The following SND1 variants were observed in gnomAD, a reference collection of about 807,000 sequenced individuals.
SND1 encodes staphylococcal nuclease domain-containing protein 1.
SND1 carries 38 observed loss-of-function variants against 121.7 expected under a neutral mutation model. That is an observed-to-expected ratio of 0.31 (90% CI 0.24 to 0.41). The LOEUF (loss-of-function observed/expected upper bound fraction) is 0.41. SND1 is among the 10% of genes least tolerant of loss of function. The pLI, the probability that SND1 is intolerant of heterozygous loss-of-function variation, is 1.00. For synonymous variants in SND1, 401 were observed against 447.4 expected (o/e 0.90, Z 1.31); for missense variants, 868 against 1,184.6 (o/e 0.73, Z 3.92).
At chr7:127,915,799 T>C (rs151308969) in intron 14 of SND1, among the ~76,000 whole-genome samples, 1 of 152,344 alleles carries the variant, frequency 6.6e-6, no homozygotes, top group African/African-American at 2.4e-5. Flanking sequence ...TAAAATGTTG[T>C]ATACAAAGGT....
intron 10 of SND1, among the ~76,000 whole-genome samples, chr7:127,771,641 T>C (rs781707809): frequency 1.3e-5 from 2 of 152,156 alleles, no homozygotes; most frequent in Non-Finnish European, 2.9e-5. Flanking sequence ...AGCACCCCCC[T>C]ATACACATAC....
At chr7:127,746,847 T>C (rs1257628271) in intron 10 of SND1, among the ~76,000 whole-genome samples, 1 of 152,172 alleles carries the variant, frequency 6.6e-6, no homozygotes, top group Non-Finnish European at 1.5e-5. Context: ...TTTGAGCATA[T>C]GGTAGTGAGC....
chr7:128,029,682 G>A lies in SND1; in HGVS notation c.1779+38626G>A. 1 of 1,613,878 alleles carries A rather than the reference G, an allele frequency of 6.2e-7. No individual in the cohort carries two copies. The highest frequency in any genetic ancestry group is 1.3e-5 in the African/African-American group (1 of 75,008). ...GCGGCCACAGCAGGTGGAATTGGTGGGTATATACTCTCGAAGCCACCAGGC... is the reference window on the plus strand; with the variant it reads ...GCGGCCACAGCAGGTGGAATTGGTGAGTATATACTCTCGAAGCCACCAGGC... On this transcript the variant is annotated intron_variant, in intron 16 of 23. Coordinates refer to ENST00000354725, the MANE Select transcript of SND1 (RefSeq NM_014390.4). This position sits in a 1 kb window ranked among gnomAD's most constrained non-coding sequence, Gnocchi z 4.2.
chr7:127,796,500 C>G (rs1038147809), intron 10 of SND1, among the ~76,000 whole-genome samples: 1 of 152,008 alleles, frequency 6.6e-6, no homozygotes, highest in African/African-American at 2.4e-5. Flanking sequence ...CTTTTTTTCT[C>G]GTTCATAGAT....
chr7:127,721,145 G>A (rs956029384), intron 9 of SND1, 142 bp from the exon 10 acceptor site: 2 of 515,328 alleles, frequency 3.9e-6, no homozygotes, highest in Non-Finnish European at 7.0e-6. Context: ...CTCTGACATT[G>A]TTGCACCATG....
Position 127,701,152 on chromosome 7 carries a change from T to G in SND1, c.429-11T>G. On this transcript the variant is annotated splice_polypyrimidine_tract_variant and intron_variant, in intron 4 of 23. Transcript: ENST00000354725. ...CTCACTAACCACTCTTGTTTATTTT[T>G]TATGTCCCAGTCCTGAGCAGAACCG... 1 of 1,612,766 alleles carries G rather than the reference T, an allele frequency of 6.2e-7. No homozygotes were observed. Among genetic ancestry groups the G allele is most frequent in the Non-Finnish European group, 8.5e-7 (1 of 1,179,520 alleles).
chr7:127,707,114 A>G (rs1796215172), intron 8 of SND1, among the ~76,000 whole-genome samples: 2 of 152,288 alleles, frequency 1.3e-5, no homozygotes, highest in African/African-American at 2.4e-5. Flanking sequence ...TAATTATTCT[A>G]TAGATGCACT....
chr7:127,787,915 C>A (rs992752741), intron 10 of SND1, among the ~76,000 whole-genome samples: 4 of 152,202 alleles, frequency 2.6e-5, no homozygotes, highest in Non-Finnish European at 4.4e-5. Flanking sequence ...CTGAAGGGAT[C>A]TAACTTTGAT....
At chr7:127,702,360 T>C in intron 5 of SND1, 75 bp from the exon 6 acceptor site, 1 of 1,323,154 alleles carries the variant, frequency 7.6e-7, no homozygotes, top group Non-Finnish European at 1.1e-6. Context: ...CTGTGTTAAG[T>C]GCAGTTTGAT....
chr7:127,911,854 A>C (rs17151515), intron 14 of SND1, among the ~76,000 whole-genome samples: 9,022 of 152,220 alleles, frequency 0.059, 777 homozygotes, highest in African/African-American at 0.19. Context: ...GTTGGATGTT[A>C]CTAAGAAGAC....
intron 15 of SND1, among the ~76,000 whole-genome samples, chr7:127,938,219 G>A (rs144211795): frequency 8.9e-4 from 135 of 152,264 alleles, no homozygotes; most frequent in African/African-American, 3.1e-3. Flanking sequence ...CGGGGATCCT[G>A]GAGAGTCACT....
chr7:127,700,438 A>G (rs1308946543), intron 4 of SND1, among the ~76,000 whole-genome samples: 1 of 152,170 alleles, frequency 6.6e-6, no homozygotes, highest in Non-Finnish European at 1.5e-5. Context: ...CAGTTTATGC[A>G]TACAGCCGTT....
At chr7:128,065,083 T>C (rs1793289959) in intron 16 of SND1, among the ~76,000 whole-genome samples, 2 of 152,124 alleles carry the variant, frequency 1.3e-5, no homozygotes, top group Admixed American at 1.3e-4. Flanking sequence ...CAAGACTTGC[T>C]AAGATGGGCA....
chr7:127,696,870 A>G (rs1259377215), intron 3 of SND1, among the ~76,000 whole-genome samples: 1 of 152,246 alleles, frequency 6.6e-6, no homozygotes, highest in Non-Finnish European at 1.5e-5. Context: ...GGTGATCAAT[A>G]AATATGTACT....
chr7:127,956,119 T>C (rs1194710806), intron 15 of SND1, among the ~76,000 whole-genome samples: 1 of 152,236 alleles, frequency 6.6e-6, no homozygotes, highest in Non-Finnish European at 1.5e-5. Flanking sequence ...CATGTCTCTC[T>C]TCCTCTAGCC....
At chr7:127,812,383 T>C (rs1798349781) in intron 11 of SND1, among the ~76,000 whole-genome samples, 1 of 152,182 alleles carries the variant, frequency 6.6e-6, no homozygotes, top group South Asian at 2.1e-4. Flanking sequence ...CCCTGTGAAG[T>C]TGTGTTTCAT....
At position 127,921,803 on chromosome 7, in the gene SND1, T is replaced by A. The variant is rs568169863; in HGVS notation, c.1528-7385T>A. Among the ~76,000 whole-genome samples the A allele has an allele frequency of 1.2e-4, 18 of 152,340 alleles. No individual in the cohort carries two copies. The South Asian group carries it at 3.7e-3, about 32-fold the overall frequency. On this transcript the variant is annotated intron_variant, in intron 14 of 23. Transcript: ENST00000354725. ...AACTATAGTTTAACCTTTGTCAGAATGTCATACAAATGCAATCATGTATTT... is the reference window on the plus strand; with the variant it reads ...AACTATAGTTTAACCTTTGTCAGAAAGTCATACAAATGCAATCATGTATTT...
intron 15 of SND1, among the ~76,000 whole-genome samples, chr7:127,934,039 A>G (rs1047269048): frequency 1.3e-5 from 2 of 152,218 alleles, no homozygotes; most frequent in Non-Finnish European, 2.9e-5. Flanking sequence ...AGATGAGAGA[A>G]TAGAATTATG....
chr7:128,048,096 T>C (rs1792982726), intron 16 of SND1, among the ~76,000 whole-genome samples: 1 of 152,110 alleles, frequency 6.6e-6, no homozygotes, highest in African/African-American at 2.4e-5. Context: ...TCCACCCGTC[T>C]TAGCCTCCCA....
Sources: gnomAD v4.1 joint callset for allele counts (sites outside exome capture counted in the v4.1 genomes callset) on GRCh38, gnomAD v4.1.1 for gene constraint, Gnocchi (gnomAD v3.1) non-coding constraint, MANE v1.5 for transcripts, NCBI Gene and HGNC (gene_info 2026-07-23, HGNC 2026-07-21) for gene names.